MAP3K3: variants seen among roughly 807,000 people sequenced by gnomAD.
MAP3K3 encodes the protein MAP/ERK kinase kinase 3.
A neutral mutation model predicts 80.9 loss-of-function variants in MAP3K3; 12 were observed. The ratio of observed to expected loss-of-function variants is 0.15; its 90% CI spans 0.10 to 0.24. The LOEUF (loss-of-function observed/expected upper bound fraction) is 0.24, where lower values mean the gene tolerates loss of function less well. Ranked by LOEUF, MAP3K3 falls within the 10% of genes least tolerant of loss-of-function variation. The pLI, the probability that MAP3K3 is intolerant of heterozygous loss-of-function variation, is 1.00. For synonymous variants in MAP3K3, 272 were observed against 307.1 expected (o/e 0.89, Z 1.19); for missense variants, 596 against 834.7 (o/e 0.71, Z 3.52).
chr17:63,630,420 T>A (rs1598059234), intron 1 of MAP3K3, among the ~76,000 whole-genome samples: 1 of 152,278 alleles, frequency 6.6e-6, no homozygotes, highest in East Asian at 1.9e-4. Flanking sequence ...CTCAACCTCC[T>A]GGGCTCAAGT....
rs1485353966 is a variant in MAP3K3, at chr17:63,695,090, A to G, written c.*1313A>G. On this transcript the variant is annotated 3_prime_UTR_variant, in exon 16 of 16. Transcript: ENST00000361733. This position sits in a 1 kb window ranked among gnomAD's most constrained non-coding sequence, Gnocchi z 4.1. ...TTTCCTTGGGAGTTGTCATTAAAGGAAAAAAAAAAAAAAAAAAGCCAGTGC... is the reference window on the plus strand; with the variant it reads ...TTTCCTTGGGAGTTGTCATTAAAGGGAAAAAAAAAAAAAAAAAGCCAGTGC... 4 of 65,550 alleles carry G rather than the reference A, an allele frequency of 6.1e-5. No homozygotes were observed. Among genetic ancestry groups the G allele is most frequent in the African/African-American group, 7.7e-5 (1 of 12,988 alleles). 4.1% of individuals were successfully genotyped at this position (65,550 alleles called of 1,614,324 possible).
At chr17:63,681,568 G>A (rs1439056230) in intron 6 of MAP3K3, among the ~76,000 whole-genome samples, 198 bp from the exon 7 acceptor site, 2 of 152,188 alleles carry the variant, frequency 1.3e-5, no homozygotes, top group Admixed American at 6.5e-5. Flanking sequence ...CGTAGTGCCT[G>A]CTCCATCTCT....
intron 6 of MAP3K3, among the ~76,000 whole-genome samples, chr17:63,669,826 G>T (rs2035068842): frequency 2.0e-5 from 3 of 152,176 alleles, no homozygotes; most frequent in African/African-American, 7.2e-5. Flanking sequence ...TACTGGCTGG[G>T]CATGGTGGCT....
chr17:63,624,756 T>C (rs991610989), intron 1 of MAP3K3, among the ~76,000 whole-genome samples: 2 of 152,374 alleles, frequency 1.3e-5, no homozygotes, highest in Admixed American at 1.3e-4. Flanking sequence ...CCTAGCTTTC[T>C]TCACTTTCCC....
At chr17:63,622,907 C>CG (rs1453831579) in intron 1 of MAP3K3, 144 bp downstream of exon 1, 12 of 146,794 alleles carry the variant, frequency 8.2e-5, no homozygotes, top group African/African-American at 3.0e-4. Flanking sequence ...GCCGGCCGGC[C>CG]GCCCGCCCCG....
intron 5 of MAP3K3, among the ~76,000 whole-genome samples, chr17:63,664,643 G>A (rs939179651): frequency 2.0e-5 from 3 of 152,072 alleles, no homozygotes; most frequent in Non-Finnish European, 4.4e-5. Flanking sequence ...TATTGTTTGT[G>A]TTAGCCACAG....
At chr17:63,631,919 G>A (rs946707070) in intron 1 of MAP3K3, among the ~76,000 whole-genome samples, 11 of 152,118 alleles carry the variant, frequency 7.2e-5, no homozygotes, top group African/African-American at 2.4e-4. Context: ...AGTTACCTGA[G>A]GCCCTTATTT....
chr17:63,648,873 T>G (rs1286759616), intron 3 of MAP3K3, among the ~76,000 whole-genome samples: 3 of 152,042 alleles, frequency 2.0e-5, no homozygotes, highest in Admixed American at 2.0e-4. Flanking sequence ...ATGAAACTAA[T>G]TTGGTTAGCA....
At position 63,639,290 on chromosome 17, in the gene MAP3K3, A is replaced by C. The variant is rs528301840; in HGVS notation, c.126+6488A>C. Among the ~76,000 whole-genome samples the C allele has an allele frequency of 3.3e-5, 5 of 152,232 alleles. No homozygotes were observed. The East Asian group carries it at 9.7e-4, about 29-fold the overall frequency. ...TTAGGTAGAACGGAGGAAGGGTGGC[A>C]CTCCAGGTCAGGAAACAGAATGATT... On this transcript the variant is annotated intron_variant, in intron 2 of 15. Transcript: ENST00000361733.
In MAP3K3 at chr17:63,695,566, C is replaced by G. The variant is rs1433808180; in HGVS notation, c.*1789C>G. On this transcript the variant is annotated 3_prime_UTR_variant, in exon 16 of 16. Transcript: ENST00000361733. The surrounding 1 kb of genome is among the most constrained non-coding windows in gnomAD (Gnocchi z 4.1). ...CCTCGGCCCTTGCCCAGGGTGGGGC[C>G]TGGCCCTCATCTTGACCAAAGCTGC... 2 of 152,740 alleles carry G rather than the reference C, an allele frequency of 1.3e-5. No individual in the cohort carries two copies. The highest frequency in any genetic ancestry group is 2.9e-5 in the Non-Finnish European group (2 of 68,160). 9.5% of individuals were successfully genotyped at this position (152,740 alleles called of 1,614,324 possible).
intron 1 of MAP3K3, among the ~76,000 whole-genome samples, chr17:63,626,803 G>A (rs181791539): frequency 2.7e-4 from 41 of 152,314 alleles, no homozygotes; most frequent in African/African-American, 9.4e-4. Flanking sequence ...GCGATCAGAC[G>A]ATCTGGTGGA....
Position 63,690,247 on chromosome 17 carries a change from C to A in MAP3K3, c.1064-17C>A. The A allele has an allele frequency of 6.2e-7, 1 of 1,609,596 alleles. No homozygotes were observed. ...ATAATGTACACAAAGTAACTCTTTCCTTCTGCTCTCCTGTAGCTCCCAGTG... is the reference window on the plus strand; with the variant it reads ...ATAATGTACACAAAGTAACTCTTTCATTCTGCTCTCCTGTAGCTCCCAGTG... On this transcript the variant is annotated splice_polypyrimidine_tract_variant and intron_variant, in intron 11 of 15. Coordinates refer to ENST00000361733, the MANE Select transcript of MAP3K3 (RefSeq NM_002401.5).
chr17:63,624,702 T>C (rs903450744), intron 1 of MAP3K3, among the ~76,000 whole-genome samples: 5 of 152,240 alleles, frequency 3.3e-5, no homozygotes, highest in African/African-American at 1.2e-4. Flanking sequence ...TTAACTTCCC[T>C]GGTGGCTGCA....
At chr17:63,683,488 C>T (rs919881886) in intron 7 of MAP3K3, among the ~76,000 whole-genome samples, 1 of 152,180 alleles carries the variant, frequency 6.6e-6, no homozygotes, top group Non-Finnish European at 1.5e-5. Context: ...ACTCTGCCCC[C>T]TTCACTTTTT....
chr17:63,637,086 C>T (rs2034342925), intron 2 of MAP3K3: 1 of 421,216 alleles, frequency 2.4e-6, no homozygotes, highest in Non-Finnish European at 4.6e-6. Flanking sequence ...TGTAGAGTGT[C>T]GATGTTGCAG....
chr17:63,624,391 C>T (rs1326037057), intron 1 of MAP3K3, among the ~76,000 whole-genome samples: 4 of 152,156 alleles, frequency 2.6e-5, no homozygotes, highest in Non-Finnish European at 1.5e-5. Flanking sequence ...GTAGACCATC[C>T]ACTTCCTACT....
intron 3 of MAP3K3, among the ~76,000 whole-genome samples, chr17:63,648,439 G>C (rs974100185): frequency 3.9e-5 from 6 of 152,122 alleles, no homozygotes; most frequent in African/African-American, 1.4e-4. Context: ...CTCTCAAAAG[G>C]CTTCAGAAAC....
chr17:63,680,456 A>G (rs1376868008), intron 6 of MAP3K3, among the ~76,000 whole-genome samples: 2 of 152,154 alleles, frequency 1.3e-5, no homozygotes, highest in Non-Finnish European at 2.9e-5. Flanking sequence ...AACCTTCTGA[A>G]AATTGGCTCT....
intron 4 of MAP3K3, among the ~76,000 whole-genome samples, chr17:63,653,343 G>A (rs1209274905): frequency 6.6e-6 from 1 of 152,190 alleles, no homozygotes; most frequent in Non-Finnish European, 1.5e-5. Context: ...TGTGTACCTC[G>A]AGGAAATTGA....
Sources: gnomAD v4.1 joint callset for allele counts (sites outside exome capture counted in the v4.1 genomes callset) on GRCh38, gnomAD v4.1.1 for gene constraint, Gnocchi (gnomAD v3.1) non-coding constraint, MANE v1.5 for transcripts, NCBI Gene and HGNC (gene_info 2026-07-23, HGNC 2026-07-21) for gene names.